Variants in NLRC3 observed in about 807,000 individuals in gnomAD.
The protein encoded by NLRC3 is NLR family CARD domain containing 3.
Under a neutral mutation model 91.6 loss-of-function variants are expected in NLRC3, and 87 were observed. The ratio of observed to expected loss-of-function variants is 0.95; its 90% CI spans 0.80 to 1.14. NLRC3 has a LOEUF of 1.14. NLRC3 is among the 50% of genes most tolerant of loss of function. The pLI, the probability that NLRC3 is intolerant of heterozygous loss-of-function variation, is 0.00. For synonymous variants in NLRC3, 694 were observed against 625.3 expected (o/e 1.11, Z -1.64); for missense variants, 1,577 against 1,418.6 (o/e 1.11, Z -1.79).
chr16:3,576,726 G>C (rs867725844), intron 1 of NLRC3, among the ~76,000 whole-genome samples: 1 of 152,080 alleles, frequency 6.6e-6, no homozygotes, highest in African/African-American at 2.4e-5. Flanking sequence ...GCAGTGGCTC[G>C]ATCTCGGCTC....
At position 3,564,319 on chromosome 16, in the gene NLRC3, C is replaced by A; in HGVS notation, c.618G>T (p.Leu206=). 2 of 1,611,708 alleles carry A rather than the reference C, an allele frequency of 1.2e-6. No homozygotes were observed. The highest frequency in any genetic ancestry group is 1.7e-6 in the Non-Finnish European group (2 of 1,179,630). Residue 206 remains leucine (L), a synonymous_variant, in exon 5 of 20, where the codon CTG becomes CTT. Coordinates refer to ENST00000359128, the MANE Select transcript of NLRC3 (RefSeq NM_178844.4). This position sits in a 1 kb window ranked among gnomAD's most constrained non-coding sequence, Gnocchi z 5.9. ...SVFPHVGEPS[L]AVAVPARALL... is the part of the protein sequence containing the mutation. ...GGGCCCTGGCTGGGACTGCCACCGC[C>A]AGGCTGGGCTCCCCGACGTGCGGGA...
Position 3,563,861 on chromosome 16 carries a change from G to A in NLRC3, c.1076C>T (p.Thr359Ile), listed in dbSNP as rs2039739380. Residue 359 changes from threonine (T) to isoleucine (I), a missense_variant, in exon 5 of 20, where the codon ACC becomes ATC. Physicochemically the swap from Thr to Ile is moderately conservative, Grantham distance 89 (BLOSUM62 -1). Coordinates refer to ENST00000359128, the MANE Select transcript of NLRC3 (RefSeq NM_178844.4). ...GTACCATGAGTAGAGCTCGCACAGG[G>A]TCCTCGGGGGCCACAGCTCTGCATC... Reference protein sequence around the residue: ...PQDAELWPPRTLCELYSWYFR... With the variant: ...PQDAELWPPRILCELYSWYFR... 1 of 1,604,106 alleles carries A rather than the reference G, an allele frequency of 6.2e-7. No homozygotes were observed. Among genetic ancestry groups the A allele is most frequent in the African/African-American group, 1.3e-5 (1 of 74,754 alleles).
chr16:3,554,339 A>G lies in NLRC3; in HGVS notation c.2184-14T>C. The G allele has an allele frequency of 6.2e-7, 1 of 1,603,468 alleles. No homozygotes were observed. Among genetic ancestry groups the G allele is most frequent in the South Asian group, 1.1e-5 (1 of 90,732 alleles). Reference sequence around the variant, plus strand: ...TTGCCCTGGAGGCTGCAGAGACAAGAAGAGGCTCATCACTGATGGAGCAGA... The same window carrying G: ...TTGCCCTGGAGGCTGCAGAGACAAGGAGAGGCTCATCACTGATGGAGCAGA... On this transcript the variant is annotated splice_polypyrimidine_tract_variant and intron_variant, in intron 8 of 19. Coordinates refer to ENST00000359128, the MANE Select transcript of NLRC3 (RefSeq NM_178844.4).
chr16:3,543,404 G>A, intron 17 of NLRC3, 21 bp downstream of exon 17: 1 of 1,549,658 alleles, frequency 6.5e-7, no homozygotes, highest in South Asian at 1.1e-5. Context: ...AAAGACCATA[G>A]ATGGAGACTG....
chr16:3,565,045 G>T lies in NLRC3; in HGVS notation c.-9C>A. 1 of 1,607,528 alleles carries T rather than the reference G, an allele frequency of 6.2e-7. No individual in the cohort carries two copies. The highest frequency in any genetic ancestry group is 1.1e-5 in the South Asian group (1 of 90,942). ...ACCTCTTGCTTCCTCATGGAGTCGG[G>T]GATCACCTCCAGGAGCTGTGAAGAG... On this transcript the variant is annotated 5_prime_UTR_variant, in exon 4 of 20. Transcript: ENST00000359128.
At position 3,563,687 on chromosome 16, in the gene NLRC3, TCG is replaced by T. The variant is rs1232394324; in HGVS notation, c.1248_1249del (p.Tyr416Ter). 2 of 1,613,724 alleles carry T rather than the reference TCG, an allele frequency of 1.2e-6. No individual in the cohort carries two copies. The highest frequency in any genetic ancestry group is 8.5e-7 in the Non-Finnish European group (1 of 1,179,858). The stretch of plus-strand genomic sequence containing the variant: ...TACACCAAACGCCTTCATGTCTTGC[TCG>T]TAAAACACGTATTTCTTCTTGAGCA... On this transcript the variant is annotated stop_gained and frameshift_variant, in exon 5 of 20. Transcript: ENST00000359128. LOFTEE classifies it high-confidence loss of function.
intron 13 of NLRC3, 56 bp from the exon 14 acceptor site, chr16:3,548,809 T>C: frequency 8.0e-7 from 1 of 1,249,970 alleles, no homozygotes; most frequent in Non-Finnish European, 1.1e-6. Context: ...AAGCCTCCGG[T>C]CCTTGGTCAC....
At chr16:3,547,062 GAAGGA>G (rs746609847) in intron 15 of NLRC3, among the ~76,000 whole-genome samples, 5 of 152,176 alleles carry the variant, frequency 3.3e-5, no homozygotes, top group Non-Finnish European at 7.3e-5. Context: ...CCAGCCAGGA[GAAGGA>G]AAGCTCACGT....
chr16:3,570,791 A>G (rs1356012090), intron 1 of NLRC3, among the ~76,000 whole-genome samples: 2 of 152,202 alleles, frequency 1.3e-5, no homozygotes, highest in Non-Finnish European at 2.9e-5. Flanking sequence ...CAGGGCTGGA[A>G]AAGCCAGTCA....
chr16:3,569,202 T>C (rs1341742892), intron 1 of NLRC3, among the ~76,000 whole-genome samples: 1 of 150,804 alleles, frequency 6.6e-6, no homozygotes, highest in African/African-American at 2.4e-5. Context: ...TAATCCCAGC[T>C]ATTGGGGACA....
intron 1 of NLRC3, among the ~76,000 whole-genome samples, chr16:3,575,040 G>C (rs549734970): frequency 1.3e-5 from 2 of 152,310 alleles, no homozygotes; most frequent in East Asian, 3.9e-4. Context: ...TATAAGCATA[G>C]CTTATGTCAT....
chr16:3,553,076 G>A (rs757532367), intron 9 of NLRC3, among the ~76,000 whole-genome samples: 3 of 152,254 alleles, frequency 2.0e-5, no homozygotes, highest in Non-Finnish European at 2.9e-5. Context: ...TACAAGGACA[G>A]GCAGGCAGGA....
chr16:3,569,780 G>C (rs543884383), intron 1 of NLRC3, among the ~76,000 whole-genome samples: 2 of 152,222 alleles, frequency 1.3e-5, no homozygotes, highest in South Asian at 4.1e-4. Flanking sequence ...GTTGTTGCAG[G>C]CCTTCTTGTT....
At position 3,542,246 on chromosome 16, in the gene NLRC3, C is replaced by T. The variant is rs772730208; in HGVS notation, c.3052G>A (p.Gly1018Arg). The T allele has an allele frequency of 1.1e-5, 17 of 1,593,870 alleles. No homozygotes were observed. In the South Asian group the frequency reaches 1.7e-4, roughly 16 times the overall value. The change falls in exon 19 of 20, where the codon GGG (glycine) becomes AGG (arginine). Residue 1018 changes from glycine (G) to arginine (R), a missense_variant. Transcript: ENST00000359128. ...AGTGCTGTGGCAATGCATATCGCCC[C>T]GTCCATCCCCAGAGAATTCTCTTGA... ...NLQENSLGMDGAICIATALSG... is the reference protein window; with the variant it reads ...NLQENSLGMDRAICIATALSG...
chr16:3,547,911 T>C (rs1164890395), intron 15 of NLRC3, among the ~76,000 whole-genome samples: 1 of 152,202 alleles, frequency 6.6e-6, no homozygotes, highest in Non-Finnish European at 1.5e-5. Context: ...CCTCAGATGA[T>C]CCACATGCCT....
Position 3,542,216 on chromosome 16 carries a change from C to T in NLRC3, c.3082G>A (p.Gly1028Arg), listed in dbSNP as rs376719877. Residue 1028 changes from glycine to arginine, a missense_variant, in exon 19 of 20, where the codon GGA becomes AGA. By Grantham distance (125) the Gly-to-Arg change is moderately radical (BLOSUM62 -2). Transcript: ENST00000359128. ...TTGATATGCTGGAGCCTGTGGTTTC[C>T]AGACAGTGCTGTGGCAATGCATATC... ...GAICIATALS[G>R]NHRLQHINLQ... The T allele has an allele frequency of 1.9e-5, 30 of 1,591,878 alleles. No homozygotes were observed. The highest frequency in any genetic ancestry group is 1.7e-4 in the Middle Eastern group (1 of 6,038).
chr16:3,549,645 C>T, intron 12 of NLRC3, 52 bp downstream of exon 12: 1 of 1,333,610 alleles, frequency 7.5e-7, no homozygotes, highest in Non-Finnish European at 1.1e-6. Context: ...TCCCTGCAGA[C>T]AGGTGCCTCG....
At position 3,549,227 on chromosome 16, in the gene NLRC3, T is replaced by C. The variant is rs1567128103; in HGVS notation, c.2520-2A>G. 1 of 1,573,396 alleles carries C rather than the reference T, an allele frequency of 6.4e-7. No individual in the cohort carries two copies. The highest frequency in any genetic ancestry group is 2.3e-5 in the East Asian group (1 of 43,018). On this transcript the variant is annotated splice_acceptor_variant, in intron 12 of 19. Coordinates refer to ENST00000359128, the MANE Select transcript of NLRC3 (RefSeq NM_178844.4). LOFTEE classifies it high-confidence loss of function. ...GGACTGATGGAGTTTTCTCGAAGGC[T>C]GAAAAAAAAGGAAAGACCTGAGCTT... is the stretch of plus-strand genomic sequence containing the variant.
At chr16:3,562,435 GTT>G (rs1567142325) in intron 5 of NLRC3, among the ~76,000 whole-genome samples, 3 of 152,150 alleles carry the variant, frequency 2.0e-5, no homozygotes. Flanking sequence ...GAGGTCAGGA[GTT>G]TGAGAGCAGC....
Sources: gnomAD v4.1 joint callset for allele counts (sites outside exome capture counted in the v4.1 genomes callset) on GRCh38, gnomAD v4.1.1 for gene constraint, Gnocchi (gnomAD v3.1) non-coding constraint, MANE v1.5 for transcripts, NCBI Gene and HGNC (gene_info 2026-07-23, HGNC 2026-07-21) for gene names.